The following GUSB variants were observed in gnomAD, a reference collection of about 807,000 sequenced individuals.
The protein encoded by GUSB is glucuronidase beta.
A neutral mutation model predicts 74.6 loss-of-function variants in GUSB; 51 were observed. That is an observed-to-expected ratio of 0.68 (90% CI 0.55 to 0.86). GUSB has a LOEUF of 0.86. Ranked by LOEUF, GUSB falls within the 40% of genes least tolerant of loss-of-function variation. The probability of loss-of-function intolerance (pLI) is 0.00; values close to 1 mark genes in which losing one functional copy is unlikely to be tolerated. For missense variants in GUSB, 736 were observed against 853.7 expected, an observed-to-expected ratio of 0.86 and a Z score of 1.72; for synonymous variants, 360 against 348.3, an observed-to-expected ratio of 1.03 and a Z score of -0.37.
At position 65,982,191 on chromosome 7, in the gene GUSB, G is replaced by C; in HGVS notation, c.-8C>G. The C allele has an allele frequency of 6.6e-7, 1 of 1,503,802 alleles. No individual in the cohort carries two copies. Among genetic ancestry groups the C allele is most frequent in the Non-Finnish European group, 8.9e-7 (1 of 1,126,574 alleles). 93.2% of individuals were successfully genotyped at this position (1,503,802 alleles called of 1,614,324 possible). On this transcript the variant is annotated 5_prime_UTR_variant, in exon 1 of 12. Transcript: ENST00000304895. ...CGCCGACCCCCGGGCCATGCTTCCC[G>C]GTCCCCCGCTCGGCCACCGTCTGCG...
chr7:65,979,956 TGAG>T, intron 2 of GUSB, 45 bp from the exon 3 acceptor site: 1 of 1,479,336 alleles, frequency 6.8e-7, no homozygotes, highest in Non-Finnish European at 9.2e-7. Context: ...GGTCAGGGCA[TGAG>T]GAGGCGCCCT....
chr7:65,979,367 C>T (rs761563690), intron 4 of GUSB, 32 bp downstream of exon 4: 5 of 1,566,012 alleles, frequency 3.2e-6, no homozygotes, highest in South Asian at 1.1e-5. Flanking sequence ...CACCCTGGGC[C>T]CCGCTGAGAG....
intron 6 of GUSB, 55 bp downstream of exon 6, chr7:65,974,864 A>G (rs1196023287): frequency 6.3e-7 from 1 of 1,597,044 alleles, no homozygotes; most frequent in African/African-American, 1.3e-5. Context: ...AGGGAAGGCG[A>G]AAGTGGAGGG....
intron 10 of GUSB, 122 bp downstream of exon 10, chr7:65,967,609 T>G: frequency 2.4e-6 from 2 of 839,364 alleles, no homozygotes; most frequent in Non-Finnish European, 4.0e-6. Context: ...GACGGGGCCG[T>G]GGGAGGAGAG....
chr7:65,974,947 T>G lies in GUSB; in HGVS notation c.1037A>C (p.His346Pro). 1 of 1,613,812 alleles carries G rather than the reference T, an allele frequency of 6.2e-7. No homozygotes were observed. Among genetic ancestry groups the G allele is most frequent in the Non-Finnish European group, 8.5e-7 (1 of 1,179,832 alleles). Residue 346 changes from histidine (H) to proline (P), a missense_variant, in exon 6 of 12, where the codon CAC becomes CCC. Physicochemically the swap from His to Pro is moderately conservative, Grantham distance 77 (BLOSUM62 -2). Transcript: ENST00000304895. The part of the protein sequence containing the change: ...FLINGKPFYF[H>P]GVNKHEDADI... ...CGCATCCTCATGCTTGTTGACACCG[T>G]GGAAATAGAAAGGTTTCCCATTGAT...
intron 5 of GUSB, 169 bp from the exon 6 acceptor site, chr7:65,975,240 C>A: frequency 3.0e-6 from 2 of 656,570 alleles, no homozygotes; most frequent in Non-Finnish European, 5.5e-6. Context: ...TGGGAACCTG[C>A]CCTTCAAAAC....
chr7:65,974,515 CAG>C lies in GUSB; in HGVS notation c.1244+9_1244+10del, dbSNP rs1191355010. On this transcript the variant is annotated intron_variant, in intron 7 of 11. Coordinates refer to ENST00000304895, the MANE Select transcript of GUSB (RefSeq NM_000181.4). ...CTGGGCAGGCGGAGCAGGTGCACAG[CAG>C]AGACTCACGGCAGCGCCAGGCCCAC... is the stretch of plus-strand genomic sequence containing the variant. The C allele has an allele frequency of 6.2e-7, 1 of 1,614,142 alleles. No individual in the cohort carries two copies. The highest frequency in any genetic ancestry group is 8.5e-7 in the Non-Finnish European group (1 of 1,180,036).
At chr7:65,979,591 A>T in intron 3 of GUSB, 50 bp from the exon 4 acceptor site, 3 of 1,610,760 alleles carry the variant, frequency 1.9e-6, no homozygotes, top group Non-Finnish European at 2.5e-6. Flanking sequence ...GGGTCCCCTG[A>T]CCTCAGCTCA....
Position 65,961,065 on chromosome 7 carries a change from T to C in GUSB, c.1790-2A>G, listed in dbSNP as rs1252769362. 1 of 1,577,030 alleles carries C rather than the reference T, an allele frequency of 6.3e-7. No homozygotes were observed. ...TATTCCCCAGCACTCTCGTCGGTGCTACAAAAAAAAAAAAAAGACACAAAG... is the reference window on the plus strand; with the variant it reads ...TATTCCCCAGCACTCTCGTCGGTGCCACAAAAAAAAAAAAAAGACACAAAG... On this transcript the variant is annotated splice_acceptor_variant, in intron 11 of 11. Coordinates refer to ENST00000304895, the MANE Select transcript of GUSB (RefSeq NM_000181.4). LOFTEE classifies it high-confidence loss of function.
At chr7:65,965,237 C>A (rs1790757860) in intron 10 of GUSB, among the ~76,000 whole-genome samples, 1 of 152,038 alleles carries the variant, frequency 6.6e-6, no homozygotes, top group Non-Finnish European at 1.5e-5. Context: ...GAGACCCAGT[C>A]TCTACAAAAA....
intron 4 of GUSB, among the ~76,000 whole-genome samples, chr7:65,979,019 G>C (rs1160829075): frequency 1.3e-5 from 2 of 152,086 alleles, no homozygotes; most frequent in Non-Finnish European, 2.9e-5. Flanking sequence ...CTTATACCAG[G>C]GCCTCCTTGC....
chr7:65,964,563 CA>C, intron 10 of GUSB, 105 bp from the exon 11 acceptor site: 1 of 1,017,636 alleles, frequency 9.8e-7, no homozygotes, highest in Non-Finnish European at 1.5e-6. Flanking sequence ...TCTGTCTTCA[CA>C]GGGGGCTATA....
Position 65,967,920 on chromosome 7 carries a change from C to A in GUSB, c.1477-13G>T, listed in dbSNP as rs763054536. On this transcript the variant is annotated splice_polypyrimidine_tract_variant and intron_variant, in intron 9 of 11. Coordinates refer to ENST00000304895, the MANE Select transcript of GUSB (RefSeq NM_000181.4). ...CCACATACGGAGCCTAGGACCAGAG[C>A]AGCAGAGCCCGTTCAGCACTCAGTA... 2.5e-6 allele frequency: 4 copies of A among 1,597,904 alleles called. No individual in the cohort carries two copies. Among genetic ancestry groups the A allele is most frequent in the Non-Finnish European group, 3.4e-6 (4 of 1,178,230 alleles).
Position 65,967,927 on chromosome 7 carries a change from G to C in GUSB, c.1477-20C>G. 6.3e-7 allele frequency: 1 copy of C among 1,594,410 alleles called. No individual in the cohort carries two copies. Among genetic ancestry groups the C allele is most frequent in the East Asian group, 2.2e-5 (1 of 44,854 alleles). Reference sequence around the variant, plus strand: ...CGGAGCCTAGGACCAGAGCAGCAGAGCCCGTTCAGCACTCAGTAGACAGCA... The same window carrying C: ...CGGAGCCTAGGACCAGAGCAGCAGACCCCGTTCAGCACTCAGTAGACAGCA... On this transcript the variant is annotated intron_variant, in intron 9 of 11. Transcript: ENST00000304895.
rs958040855 is a variant in GUSB, at chr7:65,964,320, T to TA, written c.1789+2dup. 6.2e-7 allele frequency: 1 copy of TA among 1,611,542 alleles called. No homozygotes were observed. The highest frequency in any genetic ancestry group is 8.5e-7 in the Non-Finnish European group (1 of 1,179,422). On this transcript the variant is annotated splice_region_variant and intron_variant, in intron 11 of 11. Transcript: ENST00000304895. The stretch of plus-strand genomic sequence containing the variant: ...TTATCCCATGAGCCAAACTGCCACT[T>TA]ACACTGTTCAGTCATGAAATCGGCA...
At chr7:65,980,058 T>A (rs1791890211) in intron 2 of GUSB, 147 bp from the exon 3 acceptor site, 1 of 940,452 alleles carries the variant, frequency 1.1e-6, no homozygotes, top group Non-Finnish European at 1.6e-6. Context: ...ATGGGGTAGA[T>A]CAGGCTACCT....
intron 9 of GUSB, among the ~76,000 whole-genome samples, chr7:65,968,359 A>G (rs1790977461): frequency 6.6e-6 from 1 of 152,090 alleles, no homozygotes; most frequent in Non-Finnish European, 1.5e-5. Flanking sequence ...AAAGTGGCCC[A>G]GAGGAGGTAG....
At chr7:65,977,516 A>C (rs967743712) in intron 4 of GUSB, among the ~76,000 whole-genome samples, 1 of 151,888 alleles carries the variant, frequency 6.6e-6, no homozygotes, top group African/African-American at 2.4e-5. Context: ...TTGCTGTGGG[A>C]TTCTTTTTTA....
chr7:65,971,435 T>C (rs1471525405), intron 8 of GUSB, among the ~76,000 whole-genome samples: 1 of 150,764 alleles, frequency 6.6e-6, no homozygotes, highest in Non-Finnish European at 1.5e-5. Context: ...CTACAACAAA[T>C]TTAAAAATTA....
Sources: gnomAD v4.1 joint callset for allele counts (sites outside exome capture counted in the v4.1 genomes callset) on GRCh38, gnomAD v4.1.1 for gene constraint, MANE v1.5 for transcripts, NCBI Gene and HGNC (gene_info 2026-07-23, HGNC 2026-07-21) for gene names.